Variants in PDZD9 observed in about 807,000 individuals in gnomAD.
PDZD9 encodes PDZ domain containing 9.
In PDZD9, 13 loss-of-function variants were observed where a neutral mutation model predicts 16.3. The observed-to-expected ratio is 0.80, with a 90% CI of 0.52 to 1.27. The LOEUF is 1.27. Among genes scored for constraint, PDZD9 ranks in the 50% most tolerant of loss-of-function variants. PDZD9 has a pLI of 0.00. For missense variants in PDZD9, 288 were observed against 310.9 expected (o/e 0.93, Z 0.55); for synonymous variants, 120 against 111.0 (o/e 1.08, Z -0.51).
In PDZD9 at chr16:21,984,344, T is replaced by C. The variant is rs754267021; in HGVS notation, c.718A>G (p.Thr240Ala). ...TCTTCCAGCCAAAATGCATCTGAGG[T>C]AGAGGAGGTAGAGGAGGAAGAGCTT... ...NESSSSSTSS[T>A]SDAFWLEDCA... Residue 240 changes from threonine to alanine, a missense_variant, in exon 4 of 4, where the codon ACC becomes GCC. By Grantham distance (58) the Thr-to-Ala change is moderately conservative (BLOSUM62 0). Coordinates refer to ENST00000424898, the MANE Select transcript of PDZD9 (RefSeq NM_001363519.1). The C allele has an allele frequency of 1.5e-5, 24 of 1,613,796 alleles. No individual in the cohort carries two copies. The highest frequency in any genetic ancestry group is 1.9e-5 in the Non-Finnish European group (23 of 1,179,914).
chr16:21,958,591 C>G, the PDZD9 span: 27 of 1,611,032 alleles, frequency 1.7e-5, no homozygotes, highest in African/African-American at 2.7e-5. Context: ...CAGTTGGTGG[C>G]AAATTAAGGT....
chr16:21,974,457 G>T, the PDZD9 span, among the ~76,000 whole-genome samples: 1 of 152,250 alleles, frequency 6.6e-6, no homozygotes, highest in African/African-American at 2.4e-5. Context: ...TTGAAGGATA[G>T]GAAAGAGAGT....
chr16:21,999,483 C>G (rs1439020475), intron 1 of PDZD9: 2 of 152,402 alleles, frequency 1.3e-5, no homozygotes, highest in East Asian at 1.9e-4. Context: ...AGTCAGACAG[C>G]AATGTCAACC....
the PDZD9 span, chr16:21,962,961 A>T: frequency 6.7e-7 from 1 of 1,496,384 alleles, no homozygotes; most frequent in East Asian, 2.4e-5. Flanking sequence ...AAGAAAAAAA[A>T]TTGCTGTCAA....
chr16:21,965,809 G>A, the PDZD9 span, among the ~76,000 whole-genome samples: 2 of 152,088 alleles, frequency 1.3e-5, no homozygotes, highest in Admixed American at 1.3e-4. Context: ...TTAATACCTG[G>A]TATATTTTCT....
At chr16:21,972,938 A>G in the PDZD9 span, among the ~76,000 whole-genome samples, 1 of 152,156 alleles carries the variant, frequency 6.6e-6, no homozygotes, top group Non-Finnish European at 1.5e-5. Context: ...TGTCTCTACT[A>G]AAAATACAAA....
chr16:21,958,304 G>A, the PDZD9 span, among the ~76,000 whole-genome samples: 1 of 152,142 alleles, frequency 6.6e-6, no homozygotes, highest in African/African-American at 2.4e-5. Flanking sequence ...ATAGACTAAT[G>A]AATCCAGTAA....
chr16:21,995,981 A>G (rs1042172020), intron 2 of PDZD9, among the ~76,000 whole-genome samples: 23 of 152,128 alleles, frequency 1.5e-4, no homozygotes, highest in African/African-American at 5.5e-4. Flanking sequence ...TAATAGAGAC[A>G]GGGTTTCACC....
chr16:21,964,661 A>T, the PDZD9 span, among the ~76,000 whole-genome samples: 1 of 152,140 alleles, frequency 6.6e-6, no homozygotes, highest in South Asian at 2.1e-4. Flanking sequence ...TGGATCCCAC[A>T]TATTACTTGT....
the PDZD9 span, among the ~76,000 whole-genome samples, chr16:21,975,924 A>G: frequency 6.6e-6 from 1 of 152,140 alleles, no homozygotes; most frequent in South Asian, 2.1e-4. Flanking sequence ...CAGGCCTGGT[A>G]GCATGCACCT....
chr16:21,966,507 ATTATC>A, the PDZD9 span, among the ~76,000 whole-genome samples: 1 of 152,244 alleles, frequency 6.6e-6, no homozygotes, highest in East Asian at 1.9e-4. Flanking sequence ...AAAATTTGTA[ATTATC>A]AACACCTTCA....
chr16:21,969,365 C>T, the PDZD9 span, among the ~76,000 whole-genome samples: 3 of 152,152 alleles, frequency 2.0e-5, no homozygotes, highest in Non-Finnish European at 4.4e-5. Flanking sequence ...GAAACCCCGT[C>T]TCTACTAAAA....
intron 1 of PDZD9, among the ~76,000 whole-genome samples, chr16:21,996,937 C>T (rs1899166675): frequency 1.3e-5 from 2 of 152,164 alleles, no homozygotes; most frequent in South Asian, 4.1e-4. Flanking sequence ...CTCCTCCCAC[C>T]TCAGCCTCCT....
chr16:21,968,787 G>A, the PDZD9 span: 10 of 1,047,650 alleles, frequency 9.5e-6, no homozygotes, highest in Admixed American at 8.2e-5. Context: ...TGAAAACTTC[G>A]GCCTTCTATT....
At chr16:21,975,560 T>A in the PDZD9 span, among the ~76,000 whole-genome samples, 1 of 152,332 alleles carries the variant, frequency 6.6e-6, no homozygotes, top group East Asian at 1.9e-4. Flanking sequence ...AACAAATATT[T>A]ACCAAGTACC....
chr16:21,962,373 T>G, the PDZD9 span: 1 of 1,498,856 alleles, frequency 6.7e-7, no homozygotes, highest in Non-Finnish European at 9.2e-7. Context: ...AAATTTTCTT[T>G]CCAAAGGAAT....
chr16:21,957,680 A>G, the PDZD9 span: 2 of 1,425,478 alleles, frequency 1.4e-6, no homozygotes, highest in Non-Finnish European at 1.9e-6. Context: ...TGCCATAACA[A>G]ATTACCACGG....
chr16:21,997,640 G>A (rs1288098069), intron 1 of PDZD9, among the ~76,000 whole-genome samples: 1 of 152,202 alleles, frequency 6.6e-6, no homozygotes, highest in Non-Finnish European at 1.5e-5. Flanking sequence ...GAAGGCCTTG[G>A]AGACAAGGGG....
the PDZD9 span, chr16:21,965,598 C>A: frequency 4.6e-6 from 5 of 1,085,016 alleles, no homozygotes; most frequent in Non-Finnish European, 6.2e-6. Context: ...TTCCTTTTAT[C>A]TTCTAACTTT....
Sources: allele counts gnomAD v4.1 joint callset (sites outside exome capture counted in the v4.1 genomes callset), GRCh38; gene constraint gnomAD v4.1.1; transcripts MANE v1.5; gene names NCBI Gene and HGNC (gene_info 2026-07-23, HGNC 2026-07-21).